Variants in CPNE9 observed in about 807,000 individuals in gnomAD.
CPNE9 encodes the protein copine family member 9.
In CPNE9, 59 loss-of-function variants were observed where a neutral mutation model predicts 83.0. That is an observed-to-expected ratio of 0.71 (90% confidence interval 0.58 to 0.88). The LOEUF (loss-of-function observed/expected upper bound fraction) is 0.88. Among genes scored for constraint, CPNE9 ranks in the 40% least tolerant of loss-of-function variants. CPNE9 has a pLI of 0.00. For missense variants in CPNE9, 619 were observed against 720.8 expected, an observed-to-expected ratio of 0.86 and a Z score of 1.62; for synonymous variants, 256 against 273.4, an observed-to-expected ratio of 0.94 and a Z score of 0.63.
Position 9,715,532 on chromosome 3 carries a change from T to C in CPNE9, c.822+6T>C, listed in dbSNP as rs375655634. ...AATATGTCAACTCAGGAACTGTGAG[T>C]GCTCCCTAGAGCCGTGGCCCTCCCT... On this transcript the variant is annotated splice_donor_region_variant and intron_variant, in intron 13 of 20. Transcript: ENST00000383832. The C allele has an allele frequency of 1.2e-6, 2 of 1,613,034 alleles. No individual in the cohort carries two copies. The highest frequency in any genetic ancestry group is 1.7e-6 in the Non-Finnish European group (2 of 1,179,010).
intron 17 of CPNE9, among the ~76,000 whole-genome samples, chr3:9,719,386 T>C (rs2076714039): frequency 2.0e-5 from 3 of 151,910 alleles, no homozygotes; most frequent in African/African-American, 7.3e-5. Flanking sequence ...GGGCTTGAGT[T>C]TGGGTAAGAG....
At position 9,729,733 on chromosome 3, in the gene CPNE9, T is replaced by A; in HGVS notation, c.*41T>A. The A allele has an allele frequency of 6.4e-7, 1 of 1,569,062 alleles. No homozygotes were observed. The highest frequency in any genetic ancestry group is 8.7e-7 in the Non-Finnish European group (1 of 1,151,126). On this transcript the variant is annotated 3_prime_UTR_variant, in exon 21 of 21. Transcript: ENST00000383832. ...AATGCCTCACAGTCTGCAAGCCTGC[T>A]CACCCACTGCTTCTGCTTTAAGCCA...
chr3:9,726,559 C>A, intron 18 of CPNE9, 106 bp from the exon 19 acceptor site: 1 of 841,888 alleles, frequency 1.2e-6, no homozygotes, highest in Non-Finnish European at 2.0e-6. Context: ...CCTCTGCTTA[C>A]AAGATGTGCA....
At chr3:9,722,306 C>CT (rs761404826) in intron 17 of CPNE9, among the ~76,000 whole-genome samples, 40 of 152,196 alleles carry the variant, frequency 2.6e-4, no homozygotes, top group Non-Finnish European at 3.8e-4. Flanking sequence ...AAGTGTACAT[C>CT]TGTGATTTTG....
At chr3:9,717,974 T>G (rs2076699804) in intron 15 of CPNE9, 55 bp from the exon 16 acceptor site, 1 of 1,478,656 alleles carries the variant, frequency 6.8e-7, no homozygotes, top group African/African-American at 1.4e-5. Flanking sequence ...GATAAGCAGG[T>G]GAACAGATGG....
At position 9,704,615 on chromosome 3, in the gene CPNE9, A is replaced by C; in HGVS notation, c.97A>C (p.Lys33Gln). 6.2e-7 allele frequency: 1 copy of C among 1,613,946 alleles called. No homozygotes were observed. Among genetic ancestry groups the C allele is most frequent in the Non-Finnish European group, 8.5e-7 (1 of 1,179,880 alleles). Residue 33 changes from lysine (K) to glutamine (Q), a missense_variant, in exon 2 of 21, where the codon AAG becomes CAG. Transcript: ENST00000383832. This position sits in a 1 kb window ranked among gnomAD's most constrained non-coding sequence, Gnocchi z 7.1. ...CCTGCTAGACCTTGATACCTTCTCCAAGTCCGACCCCAGTAGGCGGCTCCA... is the reference window on the plus strand; with the variant it reads ...CCTGCTAGACCTTGATACCTTCTCCCAGTCCGACCCCAGTAGGCGGCTCCA... ...RNLLDLDTFS[K>Q]SDPMVVLYTQ...
At chr3:9,728,062 A>T (rs2076799552) in intron 20 of CPNE9, among the ~76,000 whole-genome samples, 1 of 152,318 alleles carries the variant, frequency 6.6e-6, no homozygotes, top group South Asian at 2.1e-4. Flanking sequence ...TGGGAAGGGG[A>T]AAGCTAGAGG....
intron 17 of CPNE9, among the ~76,000 whole-genome samples, chr3:9,725,028 A>AT (rs1553691705): frequency 2.6e-5 from 4 of 151,874 alleles, no homozygotes; most frequent in Non-Finnish European, 5.9e-5. Context: ...AAGTGCTGGG[A>AT]TTACAGGCAT....
chr3:9,718,418 A>G, intron 16 of CPNE9, 57 bp from the exon 17 acceptor site: 1 of 1,571,260 alleles, frequency 6.4e-7, no homozygotes, highest in African/African-American at 1.3e-5. Flanking sequence ...CTGGAATCAG[A>G]GCACTCCTGC....
chr3:9,709,300 GAA>G (rs2076599213), intron 7 of CPNE9, among the ~76,000 whole-genome samples: 2 of 145,634 alleles, frequency 1.4e-5, no homozygotes, highest in South Asian at 2.2e-4. Context: ...AAAGAAAAAA[GAA>G]AGAAAAGAAA....
At chr3:9,708,554 A>C (rs1016372696) in intron 7 of CPNE9, among the ~76,000 whole-genome samples, 1 of 152,260 alleles carries the variant, frequency 6.6e-6, no homozygotes, top group Non-Finnish European at 1.5e-5. Context: ...GCATTTAGCA[A>C]GATGAAAATC....
At chr3:9,728,484 G>A (rs1453804605) in intron 20 of CPNE9, among the ~76,000 whole-genome samples, 1 of 151,934 alleles carries the variant, frequency 6.6e-6, no homozygotes, top group Non-Finnish European at 1.5e-5. Flanking sequence ...TTAGCCGGGT[G>A]TGGTGGTGCA....
rs1463342916 is a variant in CPNE9, at chr3:9,704,289, G to A, written c.68+225G>A. On this transcript the variant is annotated intron_variant, in intron 1 of 20. Coordinates refer to ENST00000383832, the MANE Select transcript of CPNE9 (RefSeq NM_153635.3). This position sits in a 1 kb window ranked among gnomAD's most constrained non-coding sequence, Gnocchi z 7.1. Reference sequence around the variant, plus strand: ...AGCCTGCGGGTTCAGGGGGTGGGTCGCAGATATCCGGTAGGAGCTCGGCCC... The same window carrying A: ...AGCCTGCGGGTTCAGGGGGTGGGTCACAGATATCCGGTAGGAGCTCGGCCC... Among the ~76,000 whole-genome samples the A allele has an allele frequency of 1.3e-5, 2 of 152,206 alleles. No individual in the cohort carries two copies. The highest frequency in any genetic ancestry group is 2.9e-5 in the Non-Finnish European group (2 of 68,034).
At chr3:9,725,628 ATGTATATACATGTATGTGTATATATG>A (rs1476232735) in intron 17 of CPNE9, among the ~76,000 whole-genome samples, 1 of 129,260 alleles carries the variant, frequency 7.7e-6, no homozygotes, top group East Asian at 2.2e-4. Flanking sequence ...GTGTATATAT[ATGTATATACATGTATGTGTATATATG>A]TGTATATATG....
chr3:9,707,527 A>G (rs2076576576), intron 7 of CPNE9, among the ~76,000 whole-genome samples: 1 of 151,938 alleles, frequency 6.6e-6, no homozygotes, highest in Admixed American at 6.6e-5. Context: ...CAGATTGAAT[A>G]TGAATGTGAG....
Position 9,717,847 on chromosome 3 carries a change from T to C in CPNE9, c.932-182T>C, listed in dbSNP as rs575882691. Among the ~76,000 whole-genome samples, 4 of 151,852 alleles carry C rather than the reference T, an allele frequency of 2.6e-5. No individual in the cohort carries two copies. The South Asian group carries it at 8.3e-4, about 32-fold the overall frequency. On this transcript the variant is annotated intron_variant, in intron 15 of 20. Transcript: ENST00000383832. ...AGGTAGGTAAATGGATGAATAGATA[T>C]AGGGATGGGTGGGTGGATAGATGGA...
chr3:9,716,638 TTTTTTGTA>T, intron 14 of CPNE9, among the ~76,000 whole-genome samples: 1 of 152,092 alleles, frequency 6.6e-6, no homozygotes, highest in African/African-American at 2.4e-5. Context: ...GCCCGGCTAA[TTTTTTGTA>T]TTTTTAGTAG....
At chr3:9,709,149 G>A (rs1175764347) in intron 7 of CPNE9, among the ~76,000 whole-genome samples, 2 of 149,734 alleles carry the variant, frequency 1.3e-5, no homozygotes, top group Non-Finnish European at 3.0e-5. Flanking sequence ...GGTGGCGCAC[G>A]CTTGTAATCC....
intron 17 of CPNE9, among the ~76,000 whole-genome samples, chr3:9,721,927 T>G (rs1286832022): frequency 6.6e-6 from 1 of 151,904 alleles, no homozygotes; most frequent in Non-Finnish European, 1.5e-5. Flanking sequence ...TTTTTAGTTT[T>G]TTTTTTTTTG....
Sources: allele counts gnomAD v4.1 joint callset (sites outside exome capture counted in the v4.1 genomes callset), GRCh38; gene constraint gnomAD v4.1.1; non-coding constraint Gnocchi (gnomAD v3.1); transcripts MANE v1.5; gene names NCBI Gene and HGNC (gene_info 2026-07-23, HGNC 2026-07-21).